Variants in TLCD2 observed in about 807,000 individuals in gnomAD.
TLCD2 encodes TLC domain containing 2.
A neutral mutation model predicts 14.0 loss-of-function variants in TLCD2; 12 were observed. The observed-to-expected ratio is 0.86, with a 90% CI of 0.55 to 1.39. The LOEUF (loss-of-function observed/expected upper bound fraction) is 1.39, where lower values mean the gene tolerates loss of function less well. Ranked by LOEUF, TLCD2 falls within the 40% of genes most tolerant of loss-of-function variation. The probability of loss-of-function intolerance (pLI) is 0.00; values close to 1 mark genes in which losing one functional copy is unlikely to be tolerated. For synonymous variants in TLCD2, 166 were observed against 156.5 expected (o/e 1.06, Z -0.45); for missense variants, 360 against 346.8 (o/e 1.04, Z -0.30).
chr17:1,709,909 T>TTG, intron 1 of TLCD2, 23 bp from the exon 2 acceptor site: 1 of 1,128,616 alleles, frequency 8.9e-7, no homozygotes, highest in Admixed American at 2.2e-5. Flanking sequence ...GGTGGGGACA[T>TTG]GGGGGGGGGC....
Position 1,706,704 on chromosome 17 carries a change from G to A in TLCD2, c.*1066C>T, listed in dbSNP as rs1365684577. ...CAGGAGAATTGCTTGAGCCTGGGAG[G>A]CAGAGATTGCAGTGAGCCAAGATCA... On this transcript the variant is annotated 3_prime_UTR_variant, in exon 4 of 4. Coordinates refer to ENST00000330676, the MANE Select transcript of TLCD2 (RefSeq NM_001164407.2). The A allele has an allele frequency of 1.3e-5, 2 of 148,350 alleles. No individual in the cohort carries two copies. Among genetic ancestry groups the A allele is most frequent in the East Asian group, 3.9e-4 (2 of 5,076 alleles). 9.2% of individuals were successfully genotyped at this position (148,350 alleles called of 1,614,324 possible).
At chr17:1,708,478 G>T (rs201545874) in intron 3 of TLCD2, among the ~76,000 whole-genome samples, 14 of 75,628 alleles carry the variant, frequency 1.9e-4, no homozygotes, top group Middle Eastern at 0.011. Context: ...GGGCTTGCTT[G>T]CTTTTTTTTT....
rs1179416078 is a variant in TLCD2 at position 1,708,202 on chromosome 17, G to C, written c.363C>G (p.Thr121=). The change falls in exon 4 of 4, where the codon ACC becomes ACG. Residue 121 remains threonine, a synonymous_variant. Transcript: ENST00000330676. ...CCACGTAGTGGCCAGACAGAACAGC[G>C]GTGCTGAGGCAGCTCACCACCTGGG... ...HHLVVVSCLS[T]AVLSGHYVGF... is the part of the protein sequence containing the mutation. The C allele has an allele frequency of 6.5e-7, 1 of 1,529,636 alleles. No individual in the cohort carries two copies. The highest frequency in any genetic ancestry group is 1.4e-5 in the African/African-American group (1 of 72,898). The allele number at this position is 1,529,636 out of a possible 1,614,324, so 94.8% of individuals were successfully genotyped here. A position where few individuals can be genotyped will look rare whatever the true frequency, so the allele number is the denominator to read the frequency against.
At position 1,706,731 on chromosome 17, in the gene TLCD2, G is replaced by A. The variant is rs1914043969; in HGVS notation, c.*1039C>T. 1 of 135,554 alleles carries A rather than the reference G, an allele frequency of 7.4e-6. No individual in the cohort carries two copies. 8.4% of individuals were successfully genotyped at this position (135,554 alleles called of 1,614,324 possible). A position where few individuals can be genotyped will look rare whatever the true frequency, so the allele number is the denominator to read the frequency against. On this transcript the variant is annotated 3_prime_UTR_variant, in exon 4 of 4. Coordinates refer to ENST00000330676, the MANE Select transcript of TLCD2 (RefSeq NM_001164407.2). ...AGAGATTGCAGTGAGCCAAGATCAA[G>A]CCACTGCACTCCATCCTGGGCAACA...
chr17:1,709,917 G>GC, intron 1 of TLCD2, 31 bp from the exon 2 acceptor site: 1 of 1,521,678 alleles, frequency 6.6e-7, no homozygotes, highest in Non-Finnish European at 8.8e-7. Flanking sequence ...CATGGGGGGG[G>GC]GCATGGTCAG....
chr17:1,708,475 CTTGCTTTTTT>C (rs1381885197), intron 3 of TLCD2, among the ~76,000 whole-genome samples: 7 of 114,798 alleles, frequency 6.1e-5, no homozygotes, highest in African/African-American at 9.9e-5. Flanking sequence ...CCTGGGCTTG[CTTGCTTTTTT>C]TTTTTTTTTT....
chr17:1,708,556 G>A (rs1429623008), intron 3 of TLCD2, among the ~76,000 whole-genome samples: 1 of 138,036 alleles, frequency 7.2e-6, no homozygotes, highest in Non-Finnish European at 1.5e-5. Context: ...GTGTGATCTT[G>A]GCTCACTGCA....
In TLCD2 at chr17:1,703,112, A is replaced by G. The variant is rs1017834012; in HGVS notation, c.*4658T>C. On this transcript the variant is annotated 3_prime_UTR_variant, in exon 4 of 4. Transcript: ENST00000330676. ...CGTCCTTTTTTTAGGGTCTTAATTG[A>G]CCATTCTTCTTTGATTCACATCATC... The G allele has an allele frequency of 3.3e-5, 5 of 151,354 alleles. No individual in the cohort carries two copies. Among genetic ancestry groups the G allele is most frequent in the African/African-American group, 7.3e-5 (3 of 41,128 alleles). 9.4% of individuals were successfully genotyped at this position (151,354 alleles called of 1,614,324 possible).
Position 1,707,928 on chromosome 17 carries a change from T to A in TLCD2, c.637A>T (p.Met213Leu). The stretch of plus-strand genomic sequence containing the variant: ...ATACGGATCCCCAATATGATGCTCA[T>A]GATGCCCACAGTGACCAGCCCAATT... ...GGIGLVTVGI[M>L]SIILGIRILV... Residue 213 changes from methionine to leucine, a missense_variant, in exon 4 of 4, where the codon ATG becomes TTG. By Grantham distance (15) the Met-to-Leu change is conservative. Coordinates refer to ENST00000330676, the MANE Select transcript of TLCD2 (RefSeq NM_001164407.2). 3 of 1,537,314 alleles carry A rather than the reference T, an allele frequency of 2.0e-6. No homozygotes were observed. The highest frequency in any genetic ancestry group is 2.6e-6 in the Non-Finnish European group (3 of 1,146,918).
chr17:1,708,403 G>A (rs1567706335), intron 3 of TLCD2, among the ~76,000 whole-genome samples, 181 bp from the exon 4 acceptor site: 1 of 151,410 alleles, frequency 6.6e-6, no homozygotes, highest in Non-Finnish European at 1.5e-5. Context: ...TTCCATAGAT[G>A]GAACCAGGCT....
At position 1,703,477 on chromosome 17, in the gene TLCD2, AC is replaced by A. The variant is rs1913936375; in HGVS notation, c.*4292del. On this transcript the variant is annotated 3_prime_UTR_variant, in exon 4 of 4. Transcript: ENST00000330676. ...GTCACCCAGGCTGGAGTGCAGTGGCACGATCTTGGCTCACTGCAAGCTCCGC... is the reference window on the plus strand; with the variant it reads ...GTCACCCAGGCTGGAGTGCAGTGGCAGATCTTGGCTCACTGCAAGCTCCGC... 6.6e-6 allele frequency: 1 copy of A among 152,208 alleles called. No individual in the cohort carries two copies. Among genetic ancestry groups the A allele is most frequent in the Non-Finnish European group, 1.5e-5 (1 of 68,078 alleles). The allele number at this position is 152,208 out of a possible 1,614,324, so 9.4% of individuals were successfully genotyped here.
At position 1,709,486 on chromosome 17, in the gene TLCD2, C is replaced by T. The variant is rs1457471091; in HGVS notation, c.342+13G>A. 6 of 1,536,050 alleles carry T rather than the reference C, an allele frequency of 3.9e-6. No homozygotes were observed. Among genetic ancestry groups the T allele is most frequent in the East Asian group, 2.4e-5 (1 of 40,904 alleles). On this transcript the variant is annotated intron_variant, in intron 3 of 3. Transcript: ENST00000330676. ...CCTCCCTTCCTGTCTGGCTTCTGCC[C>T]TCAGAGTCTCACCACCAAATGATGA... is the stretch of plus-strand genomic sequence containing the variant.
At chr17:1,708,940 T>C (rs1914129876) in intron 3 of TLCD2, among the ~76,000 whole-genome samples, 1 of 151,786 alleles carries the variant, frequency 6.6e-6, no homozygotes, top group Admixed American at 6.6e-5. Context: ...GGTGCCCTTG[T>C]ATGGTGAGTG....
Position 1,704,589 on chromosome 17 carries a change from G to T in TLCD2, c.*3181C>A, listed in dbSNP as rs1422076095. The T allele has an allele frequency of 6.6e-6, 1 of 151,582 alleles. No individual in the cohort carries two copies. The highest frequency in any genetic ancestry group is 2.4e-5 in the African/African-American group (1 of 41,200). The allele number at this position is 151,582 out of a possible 1,614,324, so 9.4% of individuals were successfully genotyped here. On this transcript the variant is annotated 3_prime_UTR_variant, in exon 4 of 4. Transcript: ENST00000330676. The stretch of plus-strand genomic sequence containing the variant: ...CGATGTATTTTCATCCTTTGCGCCT[G>T]TTTTTATGACTCTATGATGGAGACT...
chr17:1,710,350 C>G lies in TLCD2; in HGVS notation c.-108G>C. The G allele has an allele frequency of 1.1e-6, 1 of 942,614 alleles. No homozygotes were observed. Among genetic ancestry groups the G allele is most frequent in the Non-Finnish European group, 1.5e-6 (1 of 674,582 alleles). 58.4% of individuals were successfully genotyped at this position (942,614 alleles called of 1,614,324 possible). On this transcript the variant is annotated 5_prime_UTR_variant, in exon 1 of 4. Transcript: ENST00000330676. This position sits in a 1 kb window ranked among gnomAD's most constrained non-coding sequence, Gnocchi z 6.1. ...CCCGGCAGGGCTGGGGCCCCGGCTC[C>G]CCTCCCCGCCGCGCCTTTGGGATCA...
Position 1,708,196 on chromosome 17 carries a change from A to G in TLCD2, c.369T>C (p.Val123=). The G allele has an allele frequency of 6.5e-7, 1 of 1,533,488 alleles. No individual in the cohort carries two copies. Among genetic ancestry groups the G allele is most frequent in the Non-Finnish European group, 8.7e-7 (1 of 1,145,046 alleles). The allele number at this position is 1,533,488 out of a possible 1,614,324, so 95.0% of individuals were successfully genotyped here. Residue 123 remains valine (V), a synonymous_variant, in exon 4 of 4, where the codon GTT becomes GTC. Transcript: ENST00000330676. The part of the protein sequence containing the change: ...LVVVSCLSTA[V]LSGHYVGFSM... ...AGAAGCCCACGTAGTGGCCAGACAG[A>G]ACAGCGGTGCTGAGGCAGCTCACCA...
At chr17:1,709,403 A>G in intron 3 of TLCD2, 96 bp downstream of exon 3, 1 of 790,610 alleles carries the variant, frequency 1.3e-6, no homozygotes, top group Non-Finnish European at 1.9e-6. Context: ...AAAAAAAAAA[A>G]AAAAAAAAAA....
chr17:1,708,217 C>A lies in TLCD2; in HGVS notation c.348G>T (p.Val116=). The A allele has an allele frequency of 6.6e-7, 1 of 1,521,688 alleles. No individual in the cohort carries two copies. Among genetic ancestry groups the A allele is most frequent in the South Asian group, 1.2e-5 (1 of 82,534 alleles). 94.3% of individuals were successfully genotyped at this position (1,521,688 alleles called of 1,614,324 possible). A position where few individuals can be genotyped will look rare whatever the true frequency, so the allele number is the denominator to read the frequency against. Residue 116 remains valine, a synonymous_variant, in exon 4 of 4, where the codon GTG becomes GTT. Transcript: ENST00000330676. ...WDLLCHHLVV[V]SCLSTAVLSG... The stretch of plus-strand genomic sequence containing the variant: ...ACAGAACAGCGGTGCTGAGGCAGCT[C>A]ACCACCTGGGAGCCAGGGTCACAGG...
At position 1,710,035 on chromosome 17, in the gene TLCD2, G is replaced by A. The variant is rs1411170937; in HGVS notation, c.176+32C>T. The A allele has an allele frequency of 3.3e-6, 5 of 1,529,522 alleles. No homozygotes were observed. Among genetic ancestry groups the A allele is most frequent in the Non-Finnish European group, 3.5e-6 (4 of 1,144,484 alleles). 94.7% of individuals were successfully genotyped at this position (1,529,522 alleles called of 1,614,324 possible). Reference sequence around the variant, plus strand: ...CCTCAGCCTCCCACCCCTCGCCCTCGCCCCGTGCGCCTCGAGCCCCCAAGC... The same window carrying A: ...CCTCAGCCTCCCACCCCTCGCCCTCACCCCGTGCGCCTCGAGCCCCCAAGC... On this transcript the variant is annotated intron_variant, in intron 1 of 3. Transcript: ENST00000330676. The surrounding 1 kb of genome is among the most constrained non-coding windows in gnomAD (Gnocchi z 6.1).
Sources: gnomAD v4.1 joint callset for allele counts (sites outside exome capture counted in the v4.1 genomes callset) on GRCh38, gnomAD v4.1.1 for gene constraint, Gnocchi (gnomAD v3.1) non-coding constraint, MANE v1.5 for transcripts, NCBI Gene and HGNC (gene_info 2026-07-23, HGNC 2026-07-21) for gene names.